Variants in CD300C observed in about 807,000 individuals in gnomAD.
The protein encoded by CD300C is CMRF35-like molecule 6.
In CD300C, 11 loss-of-function variants were observed where a neutral mutation model predicts 18.4. The observed-to-expected ratio is 0.60, with a 90% CI of 0.38 to 0.99. The LOEUF (loss-of-function observed/expected upper bound fraction) is 0.99, where lower values mean the gene tolerates loss of function less well. Ranked by LOEUF, CD300C falls within the 50% of genes least tolerant of loss-of-function variation. The pLI is 0.01. For synonymous variants in CD300C, 116 were observed against 116.3 expected, an observed-to-expected ratio of 1.00 and a Z score of 0.02; for missense variants, 277 against 287.4, an observed-to-expected ratio of 0.96 and a Z score of 0.26.
At chr17:74,543,821 C>A (rs980480049) in intron 2 of CD300C, among the ~76,000 whole-genome samples, 1 of 152,146 alleles carries the variant, frequency 6.6e-6, no homozygotes, top group Non-Finnish European at 1.5e-5. Flanking sequence ...ATCTTCGGCA[C>A]GGGAAAGGGC....
chr17:74,540,467 C>T (rs1005763921), downstream of CD300C, among the ~76,000 whole-genome samples: 8 of 152,100 alleles, frequency 5.3e-5, no homozygotes, highest in Non-Finnish European at 1.2e-4. Flanking sequence ...TGGGTGTTCA[C>T]GGCTGGACTC....
downstream of CD300C, among the ~76,000 whole-genome samples, chr17:74,539,666 T>A (rs118153332): frequency 2.0e-3 from 305 of 152,312 alleles, 1 homozygote; most frequent in East Asian, 0.019. Context: ...TTCACCTCGG[T>A]GCTGCCACCC....
intron 3 of CD300C, 67 bp from the exon 4 acceptor site, chr17:74,541,803 C>T (rs1268743500): frequency 1.9e-6 from 3 of 1,543,058 alleles, no homozygotes; most frequent in South Asian, 1.2e-5. Context: ...CTCCACCATC[C>T]CCTGACCCTT....
chr17:74,545,052 G>A, intron 1 of CD300C, 105 bp from the exon 2 acceptor site: 1 of 1,033,122 alleles, frequency 9.7e-7, no homozygotes, highest in Non-Finnish European at 1.4e-6. Context: ...GAAGGCAATG[G>A]CAGGCAGGCA....
At chr17:74,545,343 T>C (rs745582812) in intron 1 of CD300C, among the ~76,000 whole-genome samples, 24 of 151,548 alleles carry the variant, frequency 1.6e-4, no homozygotes, top group Non-Finnish European at 2.5e-4. Context: ...CATGTGTGTG[T>C]GAGACTGTGT....
At position 74,541,445 on chromosome 17, in the gene CD300C, C is replaced by A. The variant is rs1211184371; in HGVS notation, c.*144G>T. ...AGGTTCACATGTGACACATGAGGATCGGGCACAGGGAAAAGGCTGAAGGAG... is the reference window on the plus strand; with the variant it reads ...AGGTTCACATGTGACACATGAGGATAGGGCACAGGGAAAAGGCTGAAGGAG... On this transcript the variant is annotated 3_prime_UTR_variant, in exon 4 of 4. Transcript: ENST00000330793. The A allele has an allele frequency of 7.3e-6, 5 of 683,082 alleles. No individual in the cohort carries two copies. The Admixed American group carries it at 1.0e-4, about 14-fold the overall frequency. 42.3% of individuals were successfully genotyped at this position (683,082 alleles called of 1,614,324 possible). A position where few individuals can be genotyped will look rare whatever the true frequency, so the allele number is the denominator to read the frequency against.
chr17:74,537,750 T>C (rs982050542), downstream of CD300C, among the ~76,000 whole-genome samples: 4 of 152,122 alleles, frequency 2.6e-5, no homozygotes, highest in Admixed American at 6.5e-5. Context: ...GAAATCCATA[T>C]GCATGTATGT....
chr17:74,542,747 T>G, intron 3 of CD300C, 114 bp downstream of exon 3: 1 of 1,237,920 alleles, frequency 8.1e-7, no homozygotes, highest in Non-Finnish European at 1.1e-6. Context: ...TCACGTTTGG[T>G]GTGGGAGGTG....
At chr17:74,537,061 A>AAGG (rs55795122), downstream of CD300C, among the ~76,000 whole-genome samples, 30,731 of 137,868 alleles carry the variant, frequency 0.22, 4,312 homozygotes, top group African/African-American at 0.53. Context: ...AAAAGAAGAA[A>AAGG]AGGAGGAGGA....
chr17:74,535,383 C>T, the CD300C span, among the ~76,000 whole-genome samples: 1 of 148,130 alleles, frequency 6.8e-6, no homozygotes, highest in African/African-American at 2.5e-5. Flanking sequence ...GCAGGAGAAT[C>T]ACTTGAAACC....
chr17:74,542,389 C>T (rs539567664), intron 3 of CD300C, among the ~76,000 whole-genome samples: 1 of 152,264 alleles, frequency 6.6e-6, no homozygotes, highest in African/African-American at 2.4e-5. Flanking sequence ...ACATTTGCCT[C>T]ACTCCTCCCT....
intron 2 of CD300C, among the ~76,000 whole-genome samples, chr17:74,543,937 G>C (rs959213720): frequency 2.6e-5 from 4 of 152,150 alleles, no homozygotes; most frequent in African/African-American, 9.7e-5. Context: ...AGAGAATAAG[G>C]GGGACACACA....
chr17:74,535,408 G>T, the CD300C span, among the ~76,000 whole-genome samples: 1 of 145,388 alleles, frequency 6.9e-6, no homozygotes, highest in African/African-American at 2.5e-5. Flanking sequence ...GGCGGAGGTT[G>T]CAGTGAGCCG....
chr17:74,544,994 G>C, intron 1 of CD300C, 47 bp from the exon 2 acceptor site: 6 of 1,537,174 alleles, frequency 3.9e-6, no homozygotes, highest in Non-Finnish European at 5.3e-6. Flanking sequence ...GAGGGGCCTG[G>C]TCAGGGGTGC....
At chr17:74,538,629 C>T (rs141240483), downstream of CD300C, among the ~76,000 whole-genome samples, 33 of 152,314 alleles carry the variant, frequency 2.2e-4, no homozygotes, top group Middle Eastern at 3.4e-3. Flanking sequence ...TGAGGGGACA[C>T]CCAGGGACCT....
At chr17:74,545,086 G>T (rs141755175) in intron 1 of CD300C, 139 bp from the exon 2 acceptor site, 2 of 763,826 alleles carry the variant, frequency 2.6e-6, no homozygotes, top group African/African-American at 1.7e-5. Context: ...CAGGAACAGG[G>T]ACTGAGGGTG....
chr17:74,544,989 GC>G (rs781004852), intron 1 of CD300C, 42 bp from the exon 2 acceptor site: 1 of 1,546,204 alleles, frequency 6.5e-7, no homozygotes, highest in Non-Finnish European at 8.8e-7. Context: ...TACCAGAGGG[GC>G]CTGGTCAGGG....
At chr17:74,544,452 C>G (rs1168049896) in intron 2 of CD300C, among the ~76,000 whole-genome samples, 157 bp downstream of exon 2, 2 of 152,134 alleles carry the variant, frequency 1.3e-5, no homozygotes, top group Non-Finnish European at 2.9e-5. Flanking sequence ...CACGCATACA[C>G]AAAGACGCAC....
In CD300C at chr17:74,542,872, G is replaced by A. The variant is rs772839639; in HGVS notation, c.516C>T (p.Ser172=). 6.2e-7 allele frequency: 1 copy of A among 1,607,226 alleles called. No individual in the cohort carries two copies. Among genetic ancestry groups the A allele is most frequent in the Non-Finnish European group, 8.5e-7 (1 of 1,179,940 alleles). Residue 172 remains serine (S), a synonymous_variant, in exon 3 of 4, where the codon AGC becomes AGT. Coordinates refer to ENST00000330793, the MANE Select transcript of CD300C (RefSeq NM_006678.5). Reference sequence around the variant, plus strand: ...CGCAGGCACCTTACCCAGGGTGTGGGCTGGGTTCGGGGCTGTCCTTTCTGG... The same window carrying A: ...CGCAGGCACCTTACCCAGGGTGTGGACTGGGTTCGGGGCTGTCCTTTCTGG... ...SVTRKDSPEP[S]PHPGSLFSNV...
Sources: allele counts gnomAD v4.1 joint callset (sites outside exome capture counted in the v4.1 genomes callset), GRCh38; gene constraint gnomAD v4.1.1; transcripts MANE v1.5; gene names NCBI Gene and HGNC (gene_info 2026-07-23, HGNC 2026-07-21).